CREB5: variants seen among roughly 807,000 people sequenced by gnomAD.
CREB5 encodes the protein cAMP responsive element binding protein 5.
Under a neutral mutation model 57.1 loss-of-function variants are expected in CREB5, and 19 were observed. The ratio of observed to expected loss-of-function variants is 0.33; its 90% CI spans 0.23 to 0.49. The LOEUF is 0.49. Among genes scored for constraint, CREB5 ranks in the 20% least tolerant of loss-of-function variants. The probability of loss-of-function intolerance (pLI) is 0.99; values close to 1 mark genes in which losing one functional copy is unlikely to be tolerated. For synonymous variants in CREB5, 238 were observed against 238.3 expected (o/e 1.00, Z 0.01); for missense variants, 579 against 671.6 (o/e 0.86, Z 1.52).
chr7:28,629,870 A>C (rs1375783126), intron 5 of CREB5, among the ~76,000 whole-genome samples: 1 of 152,224 alleles, frequency 6.6e-6, no homozygotes, highest in Non-Finnish European at 1.5e-5. Context: ...CTGTAAGTAG[A>C]ACTGTTGGCC....
chr7:28,316,310 T>C (rs1476569166), intron 1 of CREB5, among the ~76,000 whole-genome samples: 1 of 151,994 alleles, frequency 6.6e-6, no homozygotes, highest in East Asian at 1.9e-4. Context: ...AGACAAACAT[T>C]GGAGTCATTG....
chr7:28,512,267 A>G (rs1478202046), intron 4 of CREB5, among the ~76,000 whole-genome samples: 1 of 152,182 alleles, frequency 6.6e-6, no homozygotes, highest in Non-Finnish European at 1.5e-5. Flanking sequence ...GTGTTTATGT[A>G]CTTGAGATTG....
intron 1 of CREB5, among the ~76,000 whole-genome samples, chr7:28,457,634 T>A (rs758215819): frequency 2.0e-5 from 3 of 152,216 alleles, no homozygotes; most frequent in Non-Finnish European, 4.4e-5. Flanking sequence ...TAGAGATACA[T>A]GCAGAAAAGT....
chr7:28,593,960 G>A (rs773027439), intron 5 of CREB5, among the ~76,000 whole-genome samples: 1 of 152,220 alleles, frequency 6.6e-6, no homozygotes, highest in Non-Finnish European at 1.5e-5. Context: ...AGTAACCACT[G>A]GTGGGTGAAG....
chr7:28,398,831 C>G (rs1787389920), intron 1 of CREB5, among the ~76,000 whole-genome samples: 1 of 152,092 alleles, frequency 6.6e-6, no homozygotes, highest in Non-Finnish European at 1.5e-5. Flanking sequence ...CCCACCTCAG[C>G]CTCCCGAGCA....
intron 1 of CREB5, among the ~76,000 whole-genome samples, chr7:28,366,593 A>G (rs1786592658): frequency 6.6e-6 from 1 of 152,214 alleles, no homozygotes; most frequent in African/African-American, 2.4e-5. Context: ...ATTCCTTTTG[A>G]GTTATACATC....
intron 4 of CREB5, among the ~76,000 whole-genome samples, chr7:28,540,878 T>C (rs115121731): frequency 0.014 from 2,112 of 152,248 alleles, 71 homozygotes; most frequent in African/African-American, 0.047. Context: ...GGAGAGCTTC[T>C]TTTCATGGAC....
At chr7:28,631,490 G>C (rs190687313) in intron 5 of CREB5, among the ~76,000 whole-genome samples, 13 of 152,288 alleles carry the variant, frequency 8.5e-5, no homozygotes, top group African/African-American at 3.1e-4. Context: ...TCTTGTATGT[G>C]TCAAACACTT....
intron 5 of CREB5, among the ~76,000 whole-genome samples, chr7:28,686,539 G>T (rs979431750): frequency 1.3e-5 from 2 of 151,074 alleles, no homozygotes; most frequent in Non-Finnish European, 2.9e-5. Context: ...CACAAATAAA[G>T]AGCGAAGCGA....
intron 5 of CREB5, among the ~76,000 whole-genome samples, chr7:28,673,992 A>G (rs1335661578): frequency 2.6e-5 from 4 of 152,046 alleles, no homozygotes; most frequent in African/African-American, 7.2e-5. Context: ...CTTGCATATG[A>G]AAACTACATA....
At chr7:28,352,307 AATG>A (rs1415970801) in intron 1 of CREB5, among the ~76,000 whole-genome samples, 1 of 152,162 alleles carries the variant, frequency 6.6e-6, no homozygotes, top group Non-Finnish European at 1.5e-5. Flanking sequence ...CCTGGGTGAT[AATG>A]ATGATTGACA....
rs543325611 is a variant in CREB5 at position 28,437,898 on chromosome 7, A to T, written c.3+24981A>T. Among the ~76,000 whole-genome samples the T allele has an allele frequency of 8.1e-4, 123 of 152,292 alleles. 1 individual carries two copies. The highest frequency in any genetic ancestry group is 3.4e-3 in the Middle Eastern group (1 of 294). ...AATCTGTTCTGGAACAGAAAAGACG[A>T]TGGAGACATTTGCGAGATGAAAATC... On this transcript the variant is annotated intron_variant, in intron 1 of 10. Coordinates refer to ENST00000357727, the MANE Select transcript of CREB5 (RefSeq NM_182898.4).
At chr7:28,717,111 G>A (rs1802736041) in intron 5 of CREB5, among the ~76,000 whole-genome samples, 1 of 66,966 alleles carries the variant, frequency 1.5e-5, no homozygotes, top group Non-Finnish European at 2.8e-5. Flanking sequence ...TTTTTGAGAT[G>A]GAATCTCGCT....
At chr7:28,496,389 T>C (rs189271586) in intron 3 of CREB5, among the ~76,000 whole-genome samples, 21 of 152,354 alleles carry the variant, frequency 1.4e-4, no homozygotes, top group African/African-American at 4.8e-4. Flanking sequence ...AATTCTTTTT[T>C]ACTAATTTTA....
rs764383622 is a variant in CREB5, at chr7:28,507,633, A to C, written c.187A>C (p.Thr63Pro). ...NMLSDQTPTPTRFLKNCEEVG... is the reference protein window; with the variant it reads ...NMLSDQTPTPPRFLKNCEEVG... ...GTTTTCAGATCAAACTCCGACCCCA[A>C]CGAGATTCCTGAAGAACTGCGAGGA... Residue 63 changes from threonine (T) to proline (P), a missense_variant, in exon 4 of 11, where the codon ACG becomes CCG. Transcript: ENST00000357727. 3.1e-6 allele frequency: 5 copies of C among 1,610,692 alleles called. No individual in the cohort carries two copies. The South Asian group carries it at 5.5e-5, about 18-fold the overall frequency.
At chr7:28,536,152 C>T (rs940423560) in intron 4 of CREB5, among the ~76,000 whole-genome samples, 17 of 152,150 alleles carry the variant, frequency 1.1e-4, no homozygotes, top group African/African-American at 4.1e-4. Flanking sequence ...AACCAGCAAA[C>T]AATGTTCAAA....
intron 1 of CREB5, among the ~76,000 whole-genome samples, chr7:28,366,005 G>A (rs1786578931): frequency 6.6e-6 from 1 of 152,096 alleles, no homozygotes; most frequent in Non-Finnish European, 1.5e-5. Context: ...CTTTTTAAAT[G>A]TGCCCAGTGA....
intron 1 of CREB5, among the ~76,000 whole-genome samples, chr7:28,337,775 C>T (rs1293770278): frequency 1.3e-5 from 2 of 152,020 alleles, no homozygotes; most frequent in Non-Finnish European, 2.9e-5. Flanking sequence ...TCTTATCTTC[C>T]TCATTTCCTT....
intron 5 of CREB5, among the ~76,000 whole-genome samples, chr7:28,620,731 T>A (rs2128685215): frequency 6.6e-6 from 1 of 152,296 alleles, no homozygotes; most frequent in African/African-American, 2.4e-5. Flanking sequence ...CGAATTGACC[T>A]GAATTCAGTA....
Sources: allele counts gnomAD v4.1 joint callset (sites outside exome capture counted in the v4.1 genomes callset), GRCh38; gene constraint gnomAD v4.1.1; transcripts MANE v1.5; gene names NCBI Gene and HGNC (gene_info 2026-07-23, HGNC 2026-07-21).